Variants in AKAP6 observed in about 807,000 individuals in gnomAD.
The protein encoded by AKAP6 is A-kinase anchoring protein 6.
Under a neutral mutation model 188.5 loss-of-function variants are expected in AKAP6, and 58 were observed. That is an observed-to-expected ratio of 0.31 (90% CI 0.25 to 0.38). The LOEUF is 0.38. Among genes scored for constraint, AKAP6 ranks in the 10% least tolerant of loss-of-function variants. The pLI is 1.00. For synonymous variants in AKAP6, 989 were observed against 998.6 expected (o/e 0.99, Z 0.18); for missense variants, 2,710 against 2,740.0 (o/e 0.99, Z 0.24).
intron 1 of AKAP6, among the ~76,000 whole-genome samples, chr14:32,416,549 CTATT>C (rs1289455160): frequency 4.6e-5 from 7 of 151,940 alleles, no homozygotes; most frequent in African/African-American, 1.7e-4. Flanking sequence ...TCCAATTTGT[CTATT>C]TATTCTTTTT....
intron 1 of AKAP6, among the ~76,000 whole-genome samples, chr14:32,413,175 A>ATTTCTTTTTTT: frequency 1.7e-5 from 1 of 60,484 alleles, no homozygotes; most frequent in African/African-American, 4.5e-5. Context: ...ATTTATTGAA[A>ATTTCTTTTTTT]TTTTTTTTTT....
chr14:32,670,972 G>C (rs34123429), intron 7 of AKAP6, among the ~76,000 whole-genome samples: 38,092 of 151,948 alleles, frequency 0.25, 5,488 homozygotes, highest in South Asian at 0.38. Flanking sequence ...TGCTGTGCTG[G>C]GTGCTAGGGA....
chr14:32,521,343 C>G (rs1350013688), intron 2 of AKAP6, among the ~76,000 whole-genome samples: 1 of 151,984 alleles, frequency 6.6e-6, no homozygotes, highest in Non-Finnish European at 1.5e-5. Flanking sequence ...CCAGGGCAAT[C>G]AAGCAGGAGA....
At chr14:32,592,495 G>A (rs1885526541) in intron 5 of AKAP6, among the ~76,000 whole-genome samples, 1 of 152,150 alleles carries the variant, frequency 6.6e-6, no homozygotes, top group South Asian at 2.1e-4. Flanking sequence ...GCCAGCCAGA[G>A]TAGAATCGGA....
chr14:32,552,026 C>T (rs973058496), intron 4 of AKAP6, among the ~76,000 whole-genome samples: 32 of 152,068 alleles, frequency 2.1e-4, no homozygotes, highest in African/African-American at 6.5e-4. Context: ...TGGTCTGTCT[C>T]CCTCTGTTAG....
intron 2 of AKAP6, among the ~76,000 whole-genome samples, chr14:32,466,298 T>TTA (rs1314937821): frequency 6.6e-6 from 1 of 152,150 alleles, no homozygotes; most frequent in Non-Finnish European, 1.5e-5. Context: ...GCAGCACTAT[T>TTA]TACAATAGCA....
intron 11 of AKAP6, among the ~76,000 whole-genome samples, chr14:32,756,557 GGGTTCTAGCCT>G (rs1160828975): frequency 2.6e-5 from 4 of 152,012 alleles, no homozygotes; most frequent in Non-Finnish European, 4.4e-5. Flanking sequence ...TTCAGCCCAT[GGGTTCTAGCCT>G]GGTACCTGGG....
intron 2 of AKAP6, among the ~76,000 whole-genome samples, chr14:32,449,474 A>T (rs1890862234): frequency 6.6e-6 from 1 of 150,558 alleles, no homozygotes; most frequent in South Asian, 2.1e-4. Flanking sequence ...GTGAGCCAAG[A>T]TAGTGCCACT....
intron 11 of AKAP6, among the ~76,000 whole-genome samples, chr14:32,750,740 T>G (rs1474340855): frequency 4.1e-5 from 6 of 146,278 alleles, no homozygotes; most frequent in South Asian, 2.2e-4. Flanking sequence ...TAATTTTGTT[T>G]TTTTTTTTTT....
intron 2 of AKAP6, among the ~76,000 whole-genome samples, chr14:32,482,553 A>G (rs1056419725): frequency 6.6e-6 from 1 of 152,172 alleles, no homozygotes; most frequent in Non-Finnish European, 1.5e-5. Flanking sequence ...AGAGCAATCA[A>G]CACTGTTGGA....
Position 32,359,529 on chromosome 14 carries a change from A to T in AKAP6, c.-35+30121A>T, listed in dbSNP as rs537660984. Among the ~76,000 whole-genome samples, 9 of 152,066 alleles carry T rather than the reference A, an allele frequency of 5.9e-5. No homozygotes were observed. The East Asian group carries it at 1.7e-3, about 29-fold the overall frequency. On this transcript the variant is annotated intron_variant, in intron 1 of 13. Transcript: ENST00000280979. ...GTATATTTATCAAATCTAAGAAATT[A>T]ATACATTACTATTAACTAAACTACT...
intron 11 of AKAP6, among the ~76,000 whole-genome samples, chr14:32,748,785 G>T: frequency 6.6e-6 from 1 of 152,124 alleles, no homozygotes; most frequent in East Asian, 1.9e-4. Context: ...TTAAGGGTGG[G>T]TCTTCACTTT....
At chr14:32,448,217 C>T (rs1258908235) in intron 2 of AKAP6, among the ~76,000 whole-genome samples, 1 of 152,200 alleles carries the variant, frequency 6.6e-6, no homozygotes, top group Non-Finnish European at 1.5e-5. Context: ...AGCTTCATCA[C>T]TGTAAGCGGA....
At chr14:32,664,284 C>G (rs1258230811) in intron 7 of AKAP6, among the ~76,000 whole-genome samples, 2 of 152,078 alleles carry the variant, frequency 1.3e-5, no homozygotes. Context: ...GATGATCAAT[C>G]TATACAGTGA....
At position 32,489,604 on chromosome 14, in the gene AKAP6, T is replaced by G. The variant is rs78306723; in HGVS notation, c.325-45950T>G. Among the ~76,000 whole-genome samples, 161 of 152,250 alleles carry G rather than the reference T, an allele frequency of 1.1e-3. 4 individuals carry two copies. In the East Asian group the frequency reaches 0.028, roughly 27 times the overall value. ...AGCACCTGACCTGTAATTACCTAGATTAAAAAACAAAAATAGAACTTTGCC... is the reference window on the plus strand; with the variant it reads ...AGCACCTGACCTGTAATTACCTAGAGTAAAAAACAAAAATAGAACTTTGCC... On this transcript the variant is annotated intron_variant, in intron 2 of 13. Coordinates refer to ENST00000280979, the MANE Select transcript of AKAP6 (RefSeq NM_004274.5).
intron 8 of AKAP6, among the ~76,000 whole-genome samples, chr14:32,687,903 C>T (rs997479633): frequency 1.3e-5 from 2 of 151,906 alleles, no homozygotes; most frequent in African/African-American, 2.4e-5. Context: ...AAAATCTTAC[C>T]AGTAGAAATG....
chr14:32,742,278 C>A (rs956061171), intron 11 of AKAP6, among the ~76,000 whole-genome samples: 1 of 151,562 alleles, frequency 6.6e-6, no homozygotes, highest in Non-Finnish European at 1.5e-5. Context: ...CTTAGTCTGC[C>A]TGAAGGTTTT....
chr14:32,381,455 T>C (rs1888357651), intron 1 of AKAP6, among the ~76,000 whole-genome samples: 1 of 152,194 alleles, frequency 6.6e-6, no homozygotes, highest in Non-Finnish European at 1.5e-5. Flanking sequence ...GTGGTAGAGA[T>C]AGAAAACTAT....
At chr14:32,661,286 T>C (rs2139576089) in intron 7 of AKAP6, among the ~76,000 whole-genome samples, 1 of 152,184 alleles carries the variant, frequency 6.6e-6, no homozygotes, top group Non-Finnish European at 1.5e-5. Flanking sequence ...TAAATCCTGC[T>C]GCTGATTGGG....
Sources: gnomAD v4.1 joint callset for allele counts (sites outside exome capture counted in the v4.1 genomes callset) on GRCh38, gnomAD v4.1.1 for gene constraint, MANE v1.5 for transcripts, NCBI Gene and HGNC (gene_info 2026-07-23, HGNC 2026-07-21) for gene names.